The following EPB41L4B variants were observed in gnomAD, a reference collection of about 807,000 sequenced individuals.
The protein encoded by EPB41L4B is erythrocyte membrane protein band 4.1 like 4B.
A neutral mutation model predicts 112.5 loss-of-function variants in EPB41L4B; 30 were observed. The observed-to-expected ratio is 0.27, with a 90% confidence interval of 0.20 to 0.36. EPB41L4B has a LOEUF of 0.36. Among genes scored for constraint, EPB41L4B ranks in the 10% least tolerant of loss-of-function variants. The pLI, the probability that EPB41L4B is intolerant of heterozygous loss-of-function variation, is 1.00. For missense variants in EPB41L4B, 1,024 were observed against 1,133.3 expected (o/e 0.90, Z 1.38); for synonymous variants, 408 against 439.7 (o/e 0.93, Z 0.90).
At chr9:109,282,256 G>A (rs1836093573) in intron 1 of EPB41L4B, among the ~76,000 whole-genome samples, 1 of 152,154 alleles carries the variant, frequency 6.6e-6, no homozygotes, top group Non-Finnish European at 1.5e-5. Context: ...GGGGACGACA[G>A]CTAAGGGGAG....
At chr9:109,242,429 G>A (rs1199390657) in intron 15 of EPB41L4B, among the ~76,000 whole-genome samples, 3 of 152,200 alleles carry the variant, frequency 2.0e-5, no homozygotes, top group Non-Finnish European at 4.4e-5. Context: ...TGATAAAACA[G>A]GCAATGATAA....
At chr9:109,193,014 G>A (rs1020487808) in intron 21 of EPB41L4B, among the ~76,000 whole-genome samples, 1 of 152,148 alleles carries the variant, frequency 6.6e-6, no homozygotes. Flanking sequence ...TAAATGTTTC[G>A]TTCAGCCTGG....
chr9:109,255,752 A>G, intron 10 of EPB41L4B, 22 bp downstream of exon 10: 2 of 1,612,532 alleles, frequency 1.2e-6, no homozygotes, highest in South Asian at 1.1e-5. Context: ...AGCAAGGGGG[A>G]AGAAATGGGA....
At chr9:109,246,420 A>C (rs1233002013) in intron 14 of EPB41L4B, among the ~76,000 whole-genome samples, 1 of 151,854 alleles carries the variant, frequency 6.6e-6, no homozygotes, top group African/African-American at 2.4e-5. Flanking sequence ...TTGGCTTCCC[A>C]ACGTGCTGGG....
chr9:109,215,857 G>A (rs773793691), intron 16 of EPB41L4B, among the ~76,000 whole-genome samples: 1 of 152,098 alleles, frequency 6.6e-6, no homozygotes, highest in Non-Finnish European at 1.5e-5. Flanking sequence ...GGGTATGGTG[G>A]CTCATGCCTA....
intron 1 of EPB41L4B, among the ~76,000 whole-genome samples, chr9:109,305,197 C>T (rs1381907136): frequency 1.9e-5 from 2 of 106,224 alleles, no homozygotes; most frequent in African/African-American, 3.7e-5. Flanking sequence ...GTGGAAGAAG[C>T]GCGGGAAGGT....
chr9:109,200,780 T>A (rs79809276), intron 19 of EPB41L4B, among the ~76,000 whole-genome samples: 6,850 of 150,774 alleles, frequency 0.045, 237 homozygotes, highest in East Asian at 0.11. Flanking sequence ...TATTTTTTTT[T>A]TAAAAAAAGA....
chr9:109,226,694 A>G (rs1833780556), intron 15 of EPB41L4B, among the ~76,000 whole-genome samples: 1 of 63,094 alleles, frequency 1.6e-5, no homozygotes, highest in Non-Finnish European at 3.2e-5. Flanking sequence ...GAATATATAT[A>G]TGAATATATA....
At chr9:109,260,786 C>G (rs1835172931) in intron 6 of EPB41L4B, among the ~76,000 whole-genome samples, 1 of 152,174 alleles carries the variant, frequency 6.6e-6, no homozygotes, top group Non-Finnish European at 1.5e-5. Flanking sequence ...AGAACGGTCA[C>G]AGAGAACTGA....
intron 14 of EPB41L4B, among the ~76,000 whole-genome samples, chr9:109,246,093 C>G (rs983405641): frequency 6.6e-6 from 1 of 152,174 alleles, no homozygotes; most frequent in South Asian, 2.1e-4. Flanking sequence ...AAAAAACAAT[C>G]AGTGAATAAC....
chr9:109,201,779 GT>G (rs1832842505), intron 19 of EPB41L4B, among the ~76,000 whole-genome samples: 1 of 152,168 alleles, frequency 6.6e-6, no homozygotes, highest in African/African-American at 2.4e-5. Flanking sequence ...AGAGCAGAGG[GT>G]TTTAACTGGA....
intron 2 of EPB41L4B, among the ~76,000 whole-genome samples, chr9:109,274,967 A>C (rs1835757069): frequency 1.3e-5 from 2 of 152,250 alleles, no homozygotes; most frequent in Admixed American, 6.5e-5. Context: ...TGCAGGCCTG[A>C]GCCCTTGGCT....
At chr9:109,300,831 A>G (rs191352652) in intron 1 of EPB41L4B, 50 of 152,222 alleles carry the variant, frequency 3.3e-4, no homozygotes, top group African/African-American at 9.9e-4. Flanking sequence ...CAATACAAAT[A>G]TAAGTGCTAC....
At chr9:109,226,755 A>T (rs1436983472) in intron 15 of EPB41L4B, among the ~76,000 whole-genome samples, 3 of 137,512 alleles carry the variant, frequency 2.2e-5, no homozygotes, top group Non-Finnish European at 4.7e-5. Flanking sequence ...ATATATGAAG[A>T]ATATATATAT....
At chr9:109,239,503 A>G (rs1834278768) in intron 15 of EPB41L4B, among the ~76,000 whole-genome samples, 1 of 152,200 alleles carries the variant, frequency 6.6e-6, no homozygotes, top group Non-Finnish European at 1.5e-5. Flanking sequence ...ACTTGGGTAG[A>G]CTGTGGTGAA....
chr9:109,220,801 GTGT>G lies in EPB41L4B; in HGVS notation c.1410-3659_1410-3657del, dbSNP rs995684628. On this transcript the variant is annotated intron_variant, in intron 15 of 25. Coordinates refer to ENST00000374566, the MANE Select transcript of EPB41L4B (RefSeq NM_019114.5). ...AGCATATGTGTGTGTGCGTGTGTGT[GTGT>G]AAGAATGTGGAAGAAGGCACGATTT... Among the ~76,000 whole-genome samples the G allele has an allele frequency of 5.3e-5, 8 of 152,148 alleles. No individual in the cohort carries two copies. The South Asian group carries it at 6.2e-4, about 12-fold the overall frequency.
intron 1 of EPB41L4B, among the ~76,000 whole-genome samples, chr9:109,293,551 T>C (rs1028514327): frequency 5.3e-5 from 8 of 151,934 alleles, no homozygotes; most frequent in Admixed American, 5.2e-4. Context: ...CTCGGCTAAT[T>C]TTTTGTATTT....
At chr9:109,267,076 T>C (rs1372283957) in intron 4 of EPB41L4B, among the ~76,000 whole-genome samples, 1 of 152,150 alleles carries the variant, frequency 6.6e-6, no homozygotes, top group Non-Finnish European at 1.5e-5. Flanking sequence ...AAGAGGTTCC[T>C]TGTATTGTAA....
In EPB41L4B at chr9:109,320,456, G is replaced by C. The variant is rs1404756575; in HGVS notation, c.-10C>G. 1.3e-5 allele frequency: 13 copies of C among 987,978 alleles called. No individual in the cohort carries two copies. Among genetic ancestry groups the C allele is most frequent in the Non-Finnish European group, 1.6e-5 (13 of 834,148 alleles). 61.2% of individuals were successfully genotyped at this position (987,978 alleles called of 1,614,324 possible). ...GCAGGAACCGCAGCATCCTGGCTGG[G>C]GGCGCCCCCTGCCTCCGCCCCCTGC... On this transcript the variant is annotated 5_prime_UTR_variant, in exon 1 of 26. Transcript: ENST00000374566.
Sources: gnomAD v4.1 joint callset for allele counts (sites outside exome capture counted in the v4.1 genomes callset) on GRCh38, gnomAD v4.1.1 for gene constraint, MANE v1.5 for transcripts, NCBI Gene and HGNC (gene_info 2026-07-23, HGNC 2026-07-21) for gene names.